Variants in PANK2 observed in about 807,000 individuals in gnomAD.
The protein encoded by PANK2 is pantothenate kinase 2.
PANK2 carries 36 observed loss-of-function variants against 43.1 expected under a neutral mutation model. That is an observed-to-expected ratio of 0.84 (90% CI 0.64 to 1.10). The LOEUF (loss-of-function observed/expected upper bound fraction) is 1.10. Ranked by LOEUF, PANK2 falls within the 50% of genes least tolerant of loss-of-function variation. The pLI is 0.00. For synonymous variants in PANK2, 281 were observed against 238.2 expected (o/e 1.18, Z -1.66); for missense variants, 576 against 593.3 (o/e 0.97, Z 0.30).
At chr20:3,905,005 G>A (rs1393408831) in intron 1 of PANK2, among the ~76,000 whole-genome samples, 2 of 152,262 alleles carry the variant, frequency 1.3e-5, no homozygotes, top group East Asian at 3.9e-4. Context: ...TTTCTTCTGG[G>A]TAATAGCAGC....
rs2090780531 is a variant in PANK2 at position 3,929,190 on chromosome 20, G to GAGGAGGCCAGCCTGGGCAACAT, written c.*5899_*5920dup. ...TCTTTTCAAAGTGTGTGCACAGAGT[G>GAGGAGGCCAGCCTGGGCAACAT]AGGAGGCCAGCCTGGGCAACATAGT... On this transcript the variant is annotated 3_prime_UTR_variant, in exon 7 of 7. Coordinates refer to ENST00000610179, the MANE Select transcript of PANK2 (RefSeq NM_001386393.1). The GAGGAGGCCAGCCTGGGCAACAT allele has an allele frequency of 6.6e-6, 1 of 152,180 alleles. No homozygotes were observed. Among genetic ancestry groups the GAGGAGGCCAGCCTGGGCAACAT allele is most frequent in the Admixed American group, 6.5e-5 (1 of 15,282 alleles). 9.4% of individuals were successfully genotyped at this position (152,180 alleles called of 1,614,324 possible).
chr20:3,910,820 A>G lies in PANK2; in HGVS notation c.895A>G (p.Thr299Ala). Residue 299 changes from threonine (T) to alanine (A), a missense_variant, in exon 3 of 7, where the codon ACA (threonine) becomes GCA (alanine). By Grantham distance (58) the Thr-to-Ala change is moderately conservative. Around this residue, in one of 2 missense-constraint regions of PANK2, gnomAD observed 544 missense variants for 528.9 expected, o/e 1.03. Coordinates refer to ENST00000610179, the MANE Select transcript of PANK2 (RefSeq NM_001386393.1). ...TTCCAAAGATAATTACAAACGGGTCACAGGTACTAGGTAAGTTGTATATAA... is the reference window on the plus strand; with the variant it reads ...TTCCAAAGATAATTACAAACGGGTCGCAGGTACTAGGTAAGTTGTATATAA... 6 of 1,614,168 alleles carry G rather than the reference A, an allele frequency of 3.7e-6. No individual in the cohort carries two copies. The highest frequency in any genetic ancestry group is 4.2e-6 in the Non-Finnish European group (5 of 1,180,020).
intron 1 of PANK2, 112 bp downstream of exon 1, chr20:3,889,840 C>T (rs750433690): frequency 3.9e-6 from 6 of 1,536,302 alleles, no homozygotes; most frequent in Non-Finnish European, 5.2e-6. Flanking sequence ...TGTCCCCGCA[C>T]GGTGGTCCCT....
At chr20:3,914,048 CA>C (rs2090519469) in intron 4 of PANK2, among the ~76,000 whole-genome samples, 1 of 151,998 alleles carries the variant, frequency 6.6e-6, no homozygotes, top group South Asian at 2.1e-4. Context: ...CTTGGCCTCC[CA>C]AAGTGCTGGG....
intron 1 of PANK2, among the ~76,000 whole-genome samples, chr20:3,899,356 A>G (rs893194470): frequency 3.3e-5 from 5 of 151,288 alleles, no homozygotes; most frequent in African/African-American, 9.7e-5. Flanking sequence ...TATTTATTGG[A>G]GACGGGGCTT....
chr20:3,904,926 A>C (rs2090361279), intron 1 of PANK2, among the ~76,000 whole-genome samples: 1 of 152,166 alleles, frequency 6.6e-6, no homozygotes, highest in South Asian at 2.1e-4. Flanking sequence ...TCTGTTTACC[A>C]GTTGGTCAGG....
chr20:3,900,071 G>C (rs1365805100), intron 1 of PANK2, among the ~76,000 whole-genome samples: 1 of 151,390 alleles, frequency 6.6e-6, no homozygotes, highest in Non-Finnish European at 1.5e-5. Flanking sequence ...TTTTTTGTTT[G>C]TGTTGTTTGG....
chr20:3,914,718 C>T lies in PANK2; in HGVS notation c.1082+2084C>T, dbSNP rs116734354. Among the ~76,000 whole-genome samples the T allele has an allele frequency of 1.7e-3, 255 of 152,106 alleles. 2 individuals are homozygous for T. Among genetic ancestry groups the T allele is most frequent in the African/African-American group, 5.8e-3 (240 of 41,520 alleles). ...GGGTTTTAGTGATTCTTCTGCTTCA[C>T]CTCGCAAGTAGCTGGGATTACAGGC... is the stretch of plus-strand genomic sequence containing the variant. On this transcript the variant is annotated intron_variant, in intron 4 of 6. Coordinates refer to ENST00000610179, the MANE Select transcript of PANK2 (RefSeq NM_001386393.1).
chr20:3,911,607 T>C (rs1346391314), intron 3 of PANK2, among the ~76,000 whole-genome samples: 1 of 145,302 alleles, frequency 6.9e-6, no homozygotes, highest in East Asian at 2.1e-4. Flanking sequence ...AAGAGAGTAT[T>C]AGGGCCAGGC....
At chr20:3,908,952 G>T (rs754080696) in intron 2 of PANK2, 1 of 153,444 alleles carries the variant, frequency 6.5e-6, no homozygotes, top group Non-Finnish European at 1.4e-5. Context: ...GATGGTGGGG[G>T]TAGGCCGGAG....
chr20:3,909,649 G>T (rs922646368), intron 2 of PANK2, among the ~76,000 whole-genome samples: 1 of 152,096 alleles, frequency 6.6e-6, no homozygotes, highest in Non-Finnish European at 1.5e-5. Context: ...GAGTGCAGTG[G>T]TGCCATCTCA....
intron 5 of PANK2, 131 bp downstream of exon 5, chr20:3,917,181 TAA>T: frequency 2.6e-6 from 3 of 1,150,872 alleles, no homozygotes; most frequent in Non-Finnish European, 3.8e-6. Context: ...AGCACGAAGT[TAA>T]AACTCTTCAA....
chr20:3,923,455 A>G lies in PANK2; in HGVS notation c.*161A>G, dbSNP rs1440356030. ...CATCAAGATAAATCCTTAAGAATTC[A>G]GTCTAAATTAGCAACCAGGAAGGAA... is the stretch of plus-strand genomic sequence containing the variant. On this transcript the variant is annotated 3_prime_UTR_variant, in exon 7 of 7. Transcript: ENST00000610179. 1.3e-6 allele frequency: 1 copy of G among 764,518 alleles called. No homozygotes were observed. The highest frequency in any genetic ancestry group is 2.2e-6 in the Non-Finnish European group (1 of 463,102). The allele number at this position is 764,518 out of a possible 1,614,324, so 47.4% of individuals were successfully genotyped here.
At chr20:3,899,784 T>G (rs1428923863) in intron 1 of PANK2, among the ~76,000 whole-genome samples, 1 of 147,740 alleles carries the variant, frequency 6.8e-6, no homozygotes, top group Non-Finnish European at 1.5e-5. Flanking sequence ...CTTGGCTCAC[T>G]GCAAGCTCCG....
chr20:3,889,852 G>C, intron 1 of PANK2, 124 bp downstream of exon 1: 2 of 1,531,610 alleles, frequency 1.3e-6, no homozygotes, highest in African/African-American at 1.4e-5. Flanking sequence ...GTGGTCCCTC[G>C]TTGGTGCGTG....
chr20:3,923,734 T>C lies in PANK2; in HGVS notation c.*440T>C, dbSNP rs140360934. ...CTTGGCAATCATCTGTGCATTACTC[T>C]GGTTTGCATTAAGCCTGTGTGTGAA... On this transcript the variant is annotated 3_prime_UTR_variant, in exon 7 of 7. Coordinates refer to ENST00000610179, the MANE Select transcript of PANK2 (RefSeq NM_001386393.1). 5.6e-4 allele frequency: 112 copies of C among 200,650 alleles called. No homozygotes were observed. The highest frequency in any genetic ancestry group is 2.5e-3 in the African/African-American group (108 of 43,544). The allele number at this position is 200,650 out of a possible 1,614,324, so 12.4% of individuals were successfully genotyped here.
chr20:3,909,592 A>T (rs1213161408), intron 2 of PANK2, among the ~76,000 whole-genome samples: 1 of 151,592 alleles, frequency 6.6e-6, no homozygotes, highest in East Asian at 2.0e-4. Flanking sequence ...GATCCTCTTC[A>T]TTTTTGTTTT....
intron 1 of PANK2, chr20:3,891,198 T>A (rs1004413670): frequency 6.6e-6 from 1 of 152,220 alleles, no homozygotes; most frequent in African/African-American, 2.4e-5. Context: ...TAAAGGCACG[T>A]GCCACTATGC....
At chr20:3,889,167 C>G, upstream of PANK2, 1 of 1,602,956 alleles carries the variant, frequency 6.2e-7, no homozygotes, top group Non-Finnish European at 8.5e-7. Context: ...CTCTTCTGGG[C>G]TACACCGCCT....
Sources: gnomAD v4.1 joint callset for allele counts (sites outside exome capture counted in the v4.1 genomes callset) on GRCh38, gnomAD v4.1.1 for gene constraint, gnomAD v4.1.1 regional missense constraint, MANE v1.5 for transcripts, NCBI Gene and HGNC (gene_info 2026-07-23, HGNC 2026-07-21) for gene names.